Variants in PARD3B observed in about 807,000 individuals in gnomAD.
PARD3B encodes the protein partitioning defective 3 homolog B.
Under a neutral mutation model 130.2 loss-of-function variants are expected in PARD3B, and 103 were observed. That is an observed-to-expected ratio of 0.79 (90% CI 0.67 to 0.93). The LOEUF is 0.93. PARD3B is among the 40% of genes least tolerant of loss of function. PARD3B has a pLI of 0.00. For missense variants in PARD3B, 1,609 were observed against 1,499.2 expected (o/e 1.07, Z -1.21); for synonymous variants, 583 against 553.2 (o/e 1.05, Z -0.76).
intron 15 of PARD3B, among the ~76,000 whole-genome samples, chr2:205,206,364 C>G (rs1357067022): frequency 7.2e-6 from 1 of 139,420 alleles, no homozygotes; most frequent in Non-Finnish European, 1.6e-5. Context: ...TATCCCTCCC[C>G]CCTCCCCCAA....
chr2:204,859,121 T>C (rs2045079029), intron 2 of PARD3B, among the ~76,000 whole-genome samples: 1 of 152,086 alleles, frequency 6.6e-6, no homozygotes, highest in African/African-American at 2.4e-5. Flanking sequence ...AAATATGACA[T>C]TGAAGACCAA....
chr2:205,054,619 C>A (rs907566026), intron 4 of PARD3B, among the ~76,000 whole-genome samples: 1 of 150,792 alleles, frequency 6.6e-6, no homozygotes, highest in Non-Finnish European at 1.5e-5. Flanking sequence ...CAACAGGCCC[C>A]GGTGTGTGGT....
At position 205,147,129 on chromosome 2, in the gene PARD3B, A is replaced by G. The variant is rs2033423629; in HGVS notation, c.1435-11593A>G. On this transcript the variant is annotated intron_variant, in intron 10 of 22. Transcript: ENST00000406610. ...CAGAAAGAAGTAAAAACAAAACAAAACGTCCTATTGTTCCTCAATATAAAC... is the reference window on the plus strand; with the variant it reads ...CAGAAAGAAGTAAAAACAAAACAAAGCGTCCTATTGTTCCTCAATATAAAC... Among the ~76,000 whole-genome samples, 7 of 152,302 alleles carry G rather than the reference A, an allele frequency of 4.6e-5. 1 individual carries two copies. In the South Asian group the frequency reaches 1.5e-3, roughly 32 times the overall value.
At chr2:205,588,963 T>C (rs1453975626) in intron 22 of PARD3B, among the ~76,000 whole-genome samples, 6 of 152,150 alleles carry the variant, frequency 3.9e-5, no homozygotes, top group Non-Finnish European at 5.9e-5. Context: ...AATTTCCATG[T>C]TCTTGGGCCA....
At chr2:205,375,766 T>C (rs1441837828) in intron 18 of PARD3B, among the ~76,000 whole-genome samples, 1 of 152,224 alleles carries the variant, frequency 6.6e-6, no homozygotes, top group Non-Finnish European at 1.5e-5. Context: ...GTTATGCTTT[T>C]ACTTGAATTT....
At position 205,541,951 on chromosome 2, in the gene PARD3B, G is replaced by A. The variant is rs370738512; in HGVS notation, c.3181-11373G>A. Among the ~76,000 whole-genome samples the A allele has an allele frequency of 1.1e-4, 16 of 151,690 alleles. No individual in the cohort carries two copies. The East Asian group carries it at 1.6e-3, about 15-fold the overall frequency. On this transcript the variant is annotated intron_variant, in intron 21 of 22. Transcript: ENST00000406610. ...TTGAGATCAGGAGTTCCAGGCCAGC[G>A]TGACCAACATGGTGAAACCTCATCT...
chr2:204,987,649 T>A (rs1173744530), intron 3 of PARD3B, among the ~76,000 whole-genome samples: 1 of 152,194 alleles, frequency 6.6e-6, no homozygotes, highest in African/African-American at 2.4e-5. Context: ...ACAAATCAAA[T>A]TAACAAATTA....
At position 205,615,936 on chromosome 2, in the gene PARD3B, A is replaced by C; in HGVS notation, c.*123A>C. On this transcript the variant is annotated 3_prime_UTR_variant, in exon 23 of 23. Coordinates refer to ENST00000406610, the MANE Select transcript of PARD3B (RefSeq NM_001302769.2). ...CCATGTTACTGATAAGCTTTTTCTCACTGACATTGTAACGCATGACTGCTA... is the reference window on the plus strand; with the variant it reads ...CCATGTTACTGATAAGCTTTTTCTCCCTGACATTGTAACGCATGACTGCTA... The C allele has an allele frequency of 2.4e-4, 204 of 847,648 alleles. No homozygotes were observed. Among genetic ancestry groups the C allele is most frequent in the Non-Finnish European group, 3.5e-4 (187 of 534,256 alleles). The allele number at this position is 847,648 out of a possible 1,614,324, so 52.5% of individuals were successfully genotyped here. A position where few individuals can be genotyped will look rare whatever the true frequency, so the allele number is the denominator to read the frequency against.
chr2:205,462,460 T>A (rs1284809880), intron 20 of PARD3B, among the ~76,000 whole-genome samples: 1 of 152,200 alleles, frequency 6.6e-6, no homozygotes, highest in Non-Finnish European at 1.5e-5. Flanking sequence ...ATAACTGAAA[T>A]GAGGCTCTTA....
chr2:205,188,915 C>A (rs187929877), intron 14 of PARD3B, among the ~76,000 whole-genome samples: 3 of 152,096 alleles, frequency 2.0e-5, no homozygotes, highest in East Asian at 3.9e-4. Context: ...AAACTTAATG[C>A]CTGTACAAAA....
At chr2:205,355,567 G>T (rs1195686424) in intron 18 of PARD3B, among the ~76,000 whole-genome samples, 2 of 152,122 alleles carry the variant, frequency 1.3e-5, no homozygotes, top group African/African-American at 2.4e-5. Context: ...ACTGTGTAAG[G>T]TGAGTGATTG....
At chr2:204,841,093 A>T (rs2044244193) in intron 2 of PARD3B, among the ~76,000 whole-genome samples, 1 of 152,162 alleles carries the variant, frequency 6.6e-6, no homozygotes, top group African/African-American at 2.4e-5. Context: ...ATTGGCAAGG[A>T]CAACACAAAG....
chr2:205,555,181 G>C (rs76436930), intron 22 of PARD3B, among the ~76,000 whole-genome samples: 6 of 152,184 alleles, frequency 3.9e-5, no homozygotes, highest in African/African-American at 1.4e-4. Flanking sequence ...TGACCAATCT[G>C]CACTCAGAGT....
At chr2:205,124,550 T>C in intron 9 of PARD3B, 84 bp downstream of exon 9, 1 of 971,580 alleles carries the variant, frequency 1.0e-6, no homozygotes, top group Non-Finnish European at 1.4e-6. Flanking sequence ...TATATGTAAA[T>C]ATATTAATAT....
At chr2:204,779,684 G>A (rs2041770824) in intron 2 of PARD3B, among the ~76,000 whole-genome samples, 2 of 152,048 alleles carry the variant, frequency 1.3e-5, no homozygotes, top group East Asian at 1.9e-4. Flanking sequence ...ACAATCAAAT[G>A]CCTCCTTAAG....
At chr2:205,151,498 T>A (rs2033754741) in intron 10 of PARD3B, among the ~76,000 whole-genome samples, 1 of 152,236 alleles carries the variant, frequency 6.6e-6, no homozygotes, top group Middle Eastern at 3.2e-3. Flanking sequence ...GTGGAATTGA[T>A]CCCTTTACCA....
intron 18 of PARD3B, among the ~76,000 whole-genome samples, chr2:205,394,378 C>T (rs897709695): frequency 6.6e-6 from 1 of 152,080 alleles, no homozygotes; most frequent in Admixed American, 6.6e-5. Flanking sequence ...AAATTAAATG[C>T]CCTGGAATTC....
At chr2:205,546,163 G>C (rs751641049) in intron 21 of PARD3B, among the ~76,000 whole-genome samples, 1 of 152,128 alleles carries the variant, frequency 6.6e-6, no homozygotes, top group Non-Finnish European at 1.5e-5. Flanking sequence ...CTTGTCACAG[G>C]CTGTCATAAT....
At chr2:204,621,061 TGG>T (rs2125127970) in intron 1 of PARD3B, among the ~76,000 whole-genome samples, 1 of 152,320 alleles carries the variant, frequency 6.6e-6, no homozygotes, top group South Asian at 2.1e-4. Context: ...TGTACCTCTG[TGG>T]GGTTTTTCTT....
Sources: allele counts gnomAD v4.1 joint callset (sites outside exome capture counted in the v4.1 genomes callset), GRCh38; gene constraint gnomAD v4.1.1; transcripts MANE v1.5; gene names NCBI Gene and HGNC (gene_info 2026-07-23, HGNC 2026-07-21).